RFTN1: variants seen among roughly 807,000 people sequenced by gnomAD.
RFTN1 encodes the protein raftlin.
A neutral mutation model predicts 46.5 loss-of-function variants in RFTN1; 26 were observed. The ratio of observed to expected loss-of-function variants is 0.56; its 90% CI spans 0.41 to 0.78. The LOEUF (loss-of-function observed/expected upper bound fraction) is 0.78, where lower values mean the gene tolerates loss of function less well. RFTN1 is among the 30% of genes least tolerant of loss of function. The pLI, the probability that RFTN1 is intolerant of heterozygous loss-of-function variation, is 0.00. For synonymous variants in RFTN1, 261 were observed against 284.2 expected, an observed-to-expected ratio of 0.92 and a Z score of 0.82; for missense variants, 693 against 718.7, an observed-to-expected ratio of 0.96 and a Z score of 0.41.
intron 1 of RFTN1, among the ~76,000 whole-genome samples, chr3:16,511,370 T>C (rs1424918754): frequency 6.6e-6 from 1 of 152,346 alleles, no homozygotes; most frequent in East Asian, 1.9e-4. Context: ...TACCAACATC[T>C]GTAATTTACT....
At position 16,433,768 on chromosome 3, in the gene RFTN1, A is replaced by G. The variant is rs570068896; in HGVS notation, c.332+83T>C. 1.4e-6 allele frequency: 2 copies of G among 1,454,042 alleles called. No individual in the cohort carries two copies. Among genetic ancestry groups the G allele is most frequent in the African/African-American group, 1.4e-5 (1 of 71,648 alleles). 90.1% of individuals were successfully genotyped at this position (1,454,042 alleles called of 1,614,324 possible). A position where few individuals can be genotyped will look rare whatever the true frequency, so the allele number is the denominator to read the frequency against. On this transcript the variant is annotated intron_variant, in intron 3 of 9. Coordinates refer to ENST00000334133, the MANE Select transcript of RFTN1 (RefSeq NM_015150.2). This position sits in a 1 kb window ranked among gnomAD's most constrained non-coding sequence, Gnocchi z 4.4. ...GACAGCATGCAAATTTCAACCCCCA[A>G]CCCCATCCTCTCACTTCCCCTCCTC...
Position 16,348,248 on chromosome 3 carries a change from G to A in RFTN1, c.1146+9684C>T, listed in dbSNP as rs1019664828. 1.3e-5 allele frequency among the ~76,000 whole-genome samples: 2 copies of A among 152,040 alleles called. No individual in the cohort carries two copies. Among genetic ancestry groups the A allele is most frequent in the Admixed American group, 6.5e-5 (1 of 15,268 alleles). Reference sequence around the variant, plus strand: ...GCATGATGGTAAAAAGGAAGCCGAGGCATCTAGATCACTGACATTATCCAT... The same window carrying A: ...GCATGATGGTAAAAAGGAAGCCGAGACATCTAGATCACTGACATTATCCAT... On this transcript the variant is annotated intron_variant, in intron 7 of 9. Coordinates refer to ENST00000334133, the MANE Select transcript of RFTN1 (RefSeq NM_015150.2). This position sits in a 1 kb window ranked among gnomAD's most constrained non-coding sequence, Gnocchi z 6.3.
rs188216102 is a variant in RFTN1, at chr3:16,507,065, C to T, written c.-9+6377G>A. ...CCTACCTGTGTGACCTCAAGGAAGC[C>T]ATTTAACCTCAGTTTTCTCATCTGT... On this transcript the variant is annotated intron_variant, in intron 1 of 9. Coordinates refer to ENST00000334133, the MANE Select transcript of RFTN1 (RefSeq NM_015150.2). The surrounding 1 kb of genome is among the most constrained non-coding windows in gnomAD (Gnocchi z 7.1). 1.4e-3 allele frequency among the ~76,000 whole-genome samples: 215 copies of T among 152,252 alleles called. 1 individual carries two copies. The highest frequency in any genetic ancestry group is 2.2e-3 in the Non-Finnish European group (152 of 68,018).
At position 16,448,070 on chromosome 3, in the gene RFTN1, T is replaced by C. The variant is rs73022299; in HGVS notation, c.146-14033A>G. Among the ~76,000 whole-genome samples, 11,890 of 151,974 alleles carry C rather than the reference T, an allele frequency of 0.078. 621 individuals are homozygous for C. Among genetic ancestry groups the C allele is most frequent in the Middle Eastern group, 0.13 (39 of 294 alleles). On this transcript the variant is annotated intron_variant, in intron 2 of 9. Coordinates refer to ENST00000334133, the MANE Select transcript of RFTN1 (RefSeq NM_015150.2). The surrounding 1 kb of genome is among the most constrained non-coding windows in gnomAD (Gnocchi z 4.1). ...AGCATCTGAAATGTGGCCAGTGTGA[T>C]TGAGATGTGCCCAAAGTATAAATAA...
At chr3:16,393,303 A>G (rs2074392343) in intron 4 of RFTN1, among the ~76,000 whole-genome samples, 2 of 152,198 alleles carry the variant, frequency 1.3e-5, no homozygotes, top group African/African-American at 2.4e-5. Context: ...AGCCAAGCAG[A>G]TATCTAGGGA....
chr3:16,472,680 T>C (rs561153855), intron 2 of RFTN1: 1 of 152,338 alleles, frequency 6.6e-6, no homozygotes, highest in East Asian at 1.9e-4. Flanking sequence ...CGATTCTCAG[T>C]TATGTTTCCC....
intron 7 of RFTN1, among the ~76,000 whole-genome samples, chr3:16,355,763 T>C (rs1174390931): frequency 6.6e-6 from 1 of 152,236 alleles, no homozygotes; most frequent in African/African-American, 2.4e-5. Flanking sequence ...CCCAAGAATC[T>C]GCATTTCTAA....
rs902469898 is a variant in RFTN1 at position 16,465,423 on chromosome 3, C to T, written c.145+28302G>A. ...CAGAGGTTGGCAGCTCAGAGGGACA[C>T]ACACACACACACACACACACACACA... On this transcript the variant is annotated intron_variant, in intron 2 of 9. Coordinates refer to ENST00000334133, the MANE Select transcript of RFTN1 (RefSeq NM_015150.2). The surrounding 1 kb of genome is among the most constrained non-coding windows in gnomAD (Gnocchi z 5.1). Among the ~76,000 whole-genome samples, 9 of 145,686 alleles carry T rather than the reference C, an allele frequency of 6.2e-5. No homozygotes were observed. Among genetic ancestry groups the T allele is most frequent in the Admixed American group, 3.5e-4 (5 of 14,434 alleles).
rs1266477673 is a variant in RFTN1 at position 16,410,170 on chromosome 3, A to G, written c.333-687T>C. On this transcript the variant is annotated intron_variant, in intron 3 of 9. Transcript: ENST00000334133. This position sits in a 1 kb window ranked among gnomAD's most constrained non-coding sequence, Gnocchi z 4.6. ...GATGTAGCATCATGTAAAACACATCATTATAGAATGATGGGTTTGGTACAA... is the reference window on the plus strand; with the variant it reads ...GATGTAGCATCATGTAAAACACATCGTTATAGAATGATGGGTTTGGTACAA... Among the ~76,000 whole-genome samples, 4 of 151,012 alleles carry G rather than the reference A, an allele frequency of 2.6e-5. No individual in the cohort carries two copies. Among genetic ancestry groups the G allele is most frequent in the Non-Finnish European group, 5.9e-5 (4 of 67,812 alleles).
chr3:16,445,357 G>A (rs894371787), intron 2 of RFTN1, among the ~76,000 whole-genome samples: 4 of 152,004 alleles, frequency 2.6e-5, no homozygotes, highest in South Asian at 2.1e-4. Flanking sequence ...TATCCACACC[G>A]TCTAAGGATG....
In RFTN1 at chr3:16,473,551, C is replaced by A. The variant is rs1347294337; in HGVS notation, c.145+20174G>T. Among the ~76,000 whole-genome samples, 1 of 151,992 alleles carries A rather than the reference C, an allele frequency of 6.6e-6. No homozygotes were observed. The highest frequency in any genetic ancestry group is 2.4e-5 in the African/African-American group (1 of 41,390). ...AAGGAGCTGGGACTACAGGCATGCA[C>A]CGCCCTGCCTGGCTAATTTTTTTGT... On this transcript the variant is annotated intron_variant, in intron 2 of 9. Coordinates refer to ENST00000334133, the MANE Select transcript of RFTN1 (RefSeq NM_015150.2). This position sits in a 1 kb window ranked among gnomAD's most constrained non-coding sequence, Gnocchi z 5.3.
At chr3:16,453,476 A>T (rs6790093) in intron 2 of RFTN1, among the ~76,000 whole-genome samples, 2 of 152,108 alleles carry the variant, frequency 1.3e-5, no homozygotes, top group Non-Finnish European at 2.9e-5. Context: ...CCTTGCTTCT[A>T]CACAGTTGTG....
intron 1 of RFTN1, among the ~76,000 whole-genome samples, chr3:16,501,669 C>T (rs932153912): frequency 1.3e-5 from 2 of 152,212 alleles, no homozygotes; most frequent in East Asian, 3.8e-4. Context: ...TTTGAAGACG[C>T]AAGCATGTTT....
At position 16,316,498 on chromosome 3, in the gene RFTN1, T is replaced by G; in HGVS notation, c.*330A>C. On this transcript the variant is annotated 3_prime_UTR_variant, in exon 10 of 10. Coordinates refer to ENST00000334133, the MANE Select transcript of RFTN1 (RefSeq NM_015150.2). This position sits in a 1 kb window ranked among gnomAD's most constrained non-coding sequence, Gnocchi z 4.5. ...TGACCCGAATGCTCCCTGGAGGCCC[T>G]GTGGCGAGGACAGGCACTGGATGGT... The G allele has an allele frequency of 2.8e-6, 1 of 351,004 alleles. No homozygotes were observed. Among genetic ancestry groups the G allele is most frequent in the Non-Finnish European group, 5.3e-6 (1 of 190,046 alleles). 21.7% of individuals were successfully genotyped at this position (351,004 alleles called of 1,614,324 possible). A position where few individuals can be genotyped will look rare whatever the true frequency, so the allele number is the denominator to read the frequency against.
At chr3:16,415,678 G>T (rs1197938852) in intron 3 of RFTN1, among the ~76,000 whole-genome samples, 1 of 151,892 alleles carries the variant, frequency 6.6e-6, no homozygotes, top group African/African-American at 2.4e-5. Flanking sequence ...GCTAAAGAAA[G>T]AATAACCAGG....
Position 16,446,292 on chromosome 3 carries a change from T to TAAA in RFTN1, c.146-12258_146-12256dup, listed in dbSNP as rs59087317. Among the ~76,000 whole-genome samples the TAAA allele has an allele frequency of 2.8e-4, 40 of 143,860 alleles. No individual in the cohort carries two copies. The highest frequency in any genetic ancestry group is 9.6e-4 in the African/African-American group (38 of 39,544). 94.4% of individuals were successfully genotyped at this position (143,860 alleles called of 152,430 possible). The stretch of plus-strand genomic sequence containing the variant: ...AGCTCAGAGGAAACCTAGAAACCTT[T>TAAA]AAAAAAAAAAAAACTGTGGTAAAAT... On this transcript the variant is annotated intron_variant, in intron 2 of 9. Transcript: ENST00000334133. This position sits in a 1 kb window ranked among gnomAD's most constrained non-coding sequence, Gnocchi z 4.5.
intron 1 of RFTN1, among the ~76,000 whole-genome samples, chr3:16,511,863 ACACTC>A (rs1482273935): frequency 6.6e-6 from 1 of 152,132 alleles, no homozygotes; most frequent in African/African-American, 2.4e-5. Context: ...TAACTGCACA[ACACTC>A]CACTTCCATT....
chr3:16,491,130 G>A lies in RFTN1; in HGVS notation c.145+2595C>T. On this transcript the variant is annotated intron_variant, in intron 2 of 9. Transcript: ENST00000334133. ...GAAGTGCTATGGAGAAAATCAAGAGGGGAAAGACATGGAGAATTGGGGAGA... is the reference window on the plus strand; with the variant it reads ...GAAGTGCTATGGAGAAAATCAAGAGAGGAAAGACATGGAGAATTGGGGAGA... Among the ~76,000 whole-genome samples the A allele has an allele frequency of 1.3e-5, 2 of 152,108 alleles. 1 individual carries two copies. The highest frequency in any genetic ancestry group is 3.9e-4 in the East Asian group (2 of 5,186).
rs141511989 is a variant in RFTN1 at position 16,421,225 on chromosome 3, A to T, written c.333-11742T>A. ...TTAATAGCTAATACCTCAAGGCAAAATATACACTTGAAATGAGATTCATTG... is the reference window on the plus strand; with the variant it reads ...TTAATAGCTAATACCTCAAGGCAAATTATACACTTGAAATGAGATTCATTG... On this transcript the variant is annotated intron_variant, in intron 3 of 9. Transcript: ENST00000334133. The surrounding 1 kb of genome is among the most constrained non-coding windows in gnomAD (Gnocchi z 4.6). 6.6e-6 allele frequency among the ~76,000 whole-genome samples: 1 copy of T among 152,372 alleles called. No homozygotes were observed. The highest frequency in any genetic ancestry group is 1.5e-5 in the Non-Finnish European group (1 of 68,036).
Sources: gnomAD v4.1 joint callset for allele counts (sites outside exome capture counted in the v4.1 genomes callset) on GRCh38, gnomAD v4.1.1 for gene constraint, Gnocchi (gnomAD v3.1) non-coding constraint, MANE v1.5 for transcripts, NCBI Gene and HGNC (gene_info 2026-07-23, HGNC 2026-07-21) for gene names.